Variants in NOX4 observed in about 807,000 individuals in gnomAD.
NOX4 encodes the protein NADPH oxidase 4.
A neutral mutation model predicts 87.6 loss-of-function variants in NOX4; 69 were observed. That is an observed-to-expected ratio of 0.79 (90% CI 0.65 to 0.96). The LOEUF is 0.96. Ranked by LOEUF, NOX4 falls within the 40% of genes least tolerant of loss-of-function variation. The probability of loss-of-function intolerance (pLI) is 0.00; values close to 1 mark genes in which losing one functional copy is unlikely to be tolerated. For missense variants in NOX4, 680 were observed against 681.5 expected (o/e 1.00, Z 0.02); for synonymous variants, 275 against 238.2 (o/e 1.15, Z -1.42).
At chr11:89,507,343 G>A in the NOX4 span, among the ~76,000 whole-genome samples, 1 of 151,332 alleles carries the variant, frequency 6.6e-6, no homozygotes, top group African/African-American at 2.4e-5. Context: ...ACTCAGTAAA[G>A]TTACGTGTGT....
chr11:89,570,953 C>T, the NOX4 span, among the ~76,000 whole-genome samples: 2 of 152,234 alleles, frequency 1.3e-5, no homozygotes, highest in Non-Finnish European at 2.9e-5. Flanking sequence ...ATTAGGTTCA[C>T]TTAATTTTAT....
intron 17 of NOX4, among the ~76,000 whole-genome samples, chr11:89,331,484 A>G (rs2135364550): frequency 6.6e-6 from 1 of 151,904 alleles, no homozygotes; most frequent in African/African-American, 2.4e-5. Flanking sequence ...ATGAAAATAA[A>G]TGATGTTATA....
chr11:89,356,846 A>C (rs1046086933), intron 12 of NOX4, among the ~76,000 whole-genome samples: 8 of 152,130 alleles, frequency 5.3e-5, no homozygotes, highest in African/African-American at 1.9e-4. Flanking sequence ...TACTGGAGAA[A>C]ACTGTTTGTT....
At chr11:89,329,356 G>GAAAAAAAAAAAAAAAAAAAAA (rs377055666) in intron 17 of NOX4, among the ~76,000 whole-genome samples, 5 of 34,708 alleles carry the variant, frequency 1.4e-4, no homozygotes, top group African/African-American at 4.0e-4. Context: ...GAAAAAAACT[G>GAAAAAAAAAAAAAAAAAAAAA]AAAAAAAAAA....
At chr11:89,492,952 CA>C (rs1485789223), upstream of NOX4, among the ~76,000 whole-genome samples, 2 of 152,108 alleles carry the variant, frequency 1.3e-5, no homozygotes, top group African/African-American at 4.8e-5. Flanking sequence ...AACAAAAAGA[CA>C]AAAGGTTTAA....
intron 12 of NOX4, among the ~76,000 whole-genome samples, chr11:89,366,284 C>G (rs764237228): frequency 5.9e-5 from 9 of 152,004 alleles, no homozygotes; most frequent in Non-Finnish European, 1.0e-4. Context: ...CAGAACAATT[C>G]TAATAAAAAT....
intron 12 of NOX4, among the ~76,000 whole-genome samples, chr11:89,365,751 C>A (rs1453651637): frequency 5.7e-5 from 2 of 34,970 alleles, no homozygotes; most frequent in Non-Finnish European, 1.0e-4. Flanking sequence ...AGACCACGCC[C>A]ACAAAAAAAA....
chr11:89,326,748 A>T lies in NOX4; in HGVS notation c.*8T>A, dbSNP rs1342244909. 3 of 1,611,714 alleles carry T rather than the reference A, an allele frequency of 1.9e-6. No homozygotes were observed. The African/African-American group carries it at 4.0e-5, about 22-fold the overall frequency. ...CTTCTTTAGAGTCCTGCTTCATGGC[A>T]AAAGTTTTCAGCTGAAAGACTCTTT... On this transcript the variant is annotated 3_prime_UTR_variant, in exon 18 of 18. Transcript: ENST00000263317.
At chr11:89,361,511 A>G (rs926831839) in intron 12 of NOX4, among the ~76,000 whole-genome samples, 2 of 152,114 alleles carry the variant, frequency 1.3e-5, no homozygotes, top group Non-Finnish European at 2.9e-5. Context: ...TACAGTGTAC[A>G]TTGCTTGGGT....
chr11:89,381,312 C>T (rs1940266800), intron 11 of NOX4, among the ~76,000 whole-genome samples: 1 of 152,094 alleles, frequency 6.6e-6, no homozygotes, highest in Admixed American at 6.6e-5. Flanking sequence ...TGTGTCAGGC[C>T]TCCGAGCCCA....
chr11:89,550,642 T>A, the NOX4 span, among the ~76,000 whole-genome samples: 2 of 152,052 alleles, frequency 1.3e-5, no homozygotes, highest in Non-Finnish European at 2.9e-5. Context: ...TTGATGGGGT[T>A]GTTTTTTTCT....
intron 11 of NOX4, among the ~76,000 whole-genome samples, chr11:89,379,860 T>C (rs1469952675): frequency 6.6e-6 from 1 of 152,204 alleles, no homozygotes; most frequent in Non-Finnish European, 1.5e-5. Context: ...ATACTTCGAC[T>C]AGATGACTGC....
At chr11:89,529,785 T>C in the NOX4 span, among the ~76,000 whole-genome samples, 64 of 152,304 alleles carry the variant, frequency 4.2e-4, 1 homozygote, top group Non-Finnish European at 7.6e-4. Flanking sequence ...AAGCTTTCAC[T>C]GGTAAATATA....
intron 2 of NOX4, among the ~76,000 whole-genome samples, chr11:89,478,607 C>T (rs12049877): frequency 3.9e-5 from 6 of 152,038 alleles, no homozygotes; most frequent in African/African-American, 9.7e-5. Flanking sequence ...AGGACTTTAA[C>T]GAATTAACTT....
At chr11:89,465,344 A>G (rs1435512097) in intron 2 of NOX4, among the ~76,000 whole-genome samples, 3 of 152,096 alleles carry the variant, frequency 2.0e-5, no homozygotes, top group African/African-American at 7.2e-5. Flanking sequence ...ATAGTATTCC[A>G]TGCTGTATTT....
chr11:89,578,223 G>A, the NOX4 span, among the ~76,000 whole-genome samples: 2,551 of 151,146 alleles, frequency 0.017, 68 homozygotes, highest in African/African-American at 0.058. Flanking sequence ...GTGCCGTGGC[G>A]TGATCACGGC....
At chr11:89,334,639 T>C (rs1260883722) in intron 17 of NOX4, among the ~76,000 whole-genome samples, 1 of 151,786 alleles carries the variant, frequency 6.6e-6, no homozygotes, top group Non-Finnish European at 1.5e-5. Context: ...TGTACATTTA[T>C]AATCAAATAT....
At chr11:89,532,016 G>A in the NOX4 span, among the ~76,000 whole-genome samples, 16 of 152,310 alleles carry the variant, frequency 1.1e-4, 1 homozygote, top group East Asian at 9.7e-4. Flanking sequence ...GTTGGGCTTC[G>A]GGAGTTTCCA....
intron 7 of NOX4, among the ~76,000 whole-genome samples, chr11:89,422,826 G>C (rs977734127): frequency 7.9e-6 from 1 of 126,350 alleles, no homozygotes; most frequent in African/African-American, 3.0e-5. Flanking sequence ...TTGAGATGCA[G>C]TCTTGCTCTG....
Sources: gnomAD v4.1 joint callset for allele counts (sites outside exome capture counted in the v4.1 genomes callset) on GRCh38, gnomAD v4.1.1 for gene constraint, MANE v1.5 for transcripts, NCBI Gene and HGNC (gene_info 2026-07-23, HGNC 2026-07-21) for gene names.